The following NPAS3 variants were observed in gnomAD, a reference collection of about 807,000 sequenced individuals.
NPAS3 encodes the protein neuronal PAS domain-containing protein 3.
Under a neutral mutation model 73.1 loss-of-function variants are expected in NPAS3, and 14 were observed. The ratio of observed to expected loss-of-function variants is 0.19; its 90% confidence interval spans 0.13 to 0.30. The LOEUF is 0.30. Ranked by LOEUF, NPAS3 falls within the 10% of genes least tolerant of loss-of-function variation. The pLI is 1.00. For synonymous variants in NPAS3, 620 were observed against 541.5 expected (o/e 1.14, Z -2.01); for missense variants, 1,096 against 1,250.0 (o/e 0.88, Z 1.86).
intron 7 of NPAS3, among the ~76,000 whole-genome samples, chr14:33,755,323 ACCT>A (rs1182688686): frequency 6.6e-6 from 1 of 152,136 alleles, no homozygotes; most frequent in Non-Finnish European, 1.5e-5. Flanking sequence ...CAAGTAATTG[ACCT>A]CCTCATTTTA....
intron 2 of NPAS3, among the ~76,000 whole-genome samples, chr14:33,078,132 G>C (rs2041733368): frequency 6.6e-6 from 1 of 151,144 alleles, no homozygotes; most frequent in Non-Finnish European, 1.5e-5. Flanking sequence ...GAGCAAGACT[G>C]TTTCCAAAAA....
At chr14:33,029,759 G>T (rs1351701151) in intron 1 of NPAS3, among the ~76,000 whole-genome samples, 1 of 152,176 alleles carries the variant, frequency 6.6e-6, no homozygotes, top group Non-Finnish European at 1.5e-5. Flanking sequence ...TAACAGTGGT[G>T]TGAAAATACT....
At chr14:33,338,530 C>T (rs565356797) in intron 3 of NPAS3, among the ~76,000 whole-genome samples, 1 of 152,260 alleles carries the variant, frequency 6.6e-6, no homozygotes, top group Non-Finnish European at 1.5e-5. Flanking sequence ...AAATGAAAGG[C>T]ATATTGGCCT....
At chr14:33,691,406 T>G (rs1164020712) in intron 6 of NPAS3, among the ~76,000 whole-genome samples, 1 of 152,234 alleles carries the variant, frequency 6.6e-6, no homozygotes, top group African/African-American at 2.4e-5. Flanking sequence ...CATTAAAATT[T>G]TATGATCCCA....
At chr14:33,733,429 A>G (rs1429556329) in intron 6 of NPAS3, among the ~76,000 whole-genome samples, 6 of 152,090 alleles carry the variant, frequency 3.9e-5, no homozygotes, top group Admixed American at 3.9e-4. Context: ...CGGCTGACTG[A>G]CAGTTCTGAT....
chr14:33,216,574 A>T (rs556956156), intron 3 of NPAS3, among the ~76,000 whole-genome samples: 118 of 152,348 alleles, frequency 7.7e-4, no homozygotes, highest in Non-Finnish European at 1.4e-3. Context: ...CTAGAGCAAC[A>T]GTTGGCAAAC....
chr14:33,650,172 C>T (rs2058949904), intron 5 of NPAS3, among the ~76,000 whole-genome samples: 2 of 152,304 alleles, frequency 1.3e-5, no homozygotes, highest in East Asian at 1.9e-4. Flanking sequence ...ATAAGGAAAG[C>T]AAAGAAAATC....
At chr14:33,137,043 A>G (rs555119759) in intron 2 of NPAS3, among the ~76,000 whole-genome samples, 20 of 152,362 alleles carry the variant, frequency 1.3e-4, no homozygotes, top group Non-Finnish European at 2.6e-4. Flanking sequence ...TTAAGAAGTA[A>G]TGGAAGCCCA....
intron 2 of NPAS3, among the ~76,000 whole-genome samples, chr14:33,104,833 A>C (rs2042675818): frequency 6.6e-6 from 1 of 152,180 alleles, no homozygotes; most frequent in Non-Finnish European, 1.5e-5. Flanking sequence ...TTCTGCATTT[A>C]GTATGGATTT....
intron 4 of NPAS3, among the ~76,000 whole-genome samples, chr14:33,455,794 A>G (rs933011078): frequency 3.3e-5 from 5 of 152,224 alleles, no homozygotes; most frequent in African/African-American, 1.2e-4. Flanking sequence ...TGGCTCCTCT[A>G]AGAGTCTTGC....
intron 3 of NPAS3, among the ~76,000 whole-genome samples, chr14:33,280,792 C>T (rs555676525): frequency 2.2e-4 from 33 of 152,256 alleles, no homozygotes; most frequent in African/African-American, 7.9e-4. Flanking sequence ...GCAGCTAGTC[C>T]TCTTCTTTAC....
At chr14:33,334,260 T>G (rs914593690) in intron 3 of NPAS3, among the ~76,000 whole-genome samples, 7 of 152,188 alleles carry the variant, frequency 4.6e-5, no homozygotes, top group Non-Finnish European at 7.4e-5. Flanking sequence ...ATTCACTGAT[T>G]ATAAGTGTAT....
At chr14:33,312,607 G>T (rs78645424) in intron 3 of NPAS3, among the ~76,000 whole-genome samples, 1 of 151,988 alleles carries the variant, frequency 6.6e-6, no homozygotes, top group East Asian at 1.9e-4. Context: ...TACCGATCAC[G>T]TCTTTAGTAT....
chr14:33,566,225 T>TC lies in NPAS3; in HGVS notation c.558+6015_558+6016insC, dbSNP rs200645975. ...AGCGACCTGGTGAAGAAATTGATTT[T>TC]TCCCCCCCGAAAATGACTGCATGAT... On this transcript the variant is annotated intron_variant, in intron 5 of 11. Coordinates refer to ENST00000356141, the Ensembl canonical transcript of NPAS3. 6.8e-3 allele frequency among the ~76,000 whole-genome samples: 909 copies of TC among 134,256 alleles called. 10 individuals are homozygous for TC. The highest frequency in any genetic ancestry group is 0.022 in the African/African-American group (826 of 37,048). 88.1% of individuals were successfully genotyped at this position (134,256 alleles called of 152,430 possible).
chr14:33,344,680 A>T (rs1275200718), intron 3 of NPAS3, among the ~76,000 whole-genome samples: 1 of 152,194 alleles, frequency 6.6e-6, no homozygotes, highest in Non-Finnish European at 1.5e-5. Context: ...GAAATTTAAC[A>T]TTTGAATCAT....
At chr14:33,154,452 G>T (rs1440303201) in intron 2 of NPAS3, among the ~76,000 whole-genome samples, 1 of 152,206 alleles carries the variant, frequency 6.6e-6, no homozygotes, top group Middle Eastern at 3.2e-3. Flanking sequence ...CATCGACCAG[G>T]TGTCTCCTGC....
At chr14:33,780,290 G>A (rs1295127553) in intron 9 of NPAS3, among the ~76,000 whole-genome samples, 1 of 152,042 alleles carries the variant, frequency 6.6e-6, no homozygotes, top group Non-Finnish European at 1.5e-5. Context: ...TCAATTAATT[G>A]GGGAAAAAAA....
Position 33,377,114 on chromosome 14 carries a change from C to G in NPAS3, c.468+9846C>G, listed in dbSNP as rs1315145. 7.2e-5 allele frequency among the ~76,000 whole-genome samples: 11 copies of G among 152,014 alleles called. No homozygotes were observed. In the East Asian group the frequency reaches 2.1e-3, roughly 29 times the overall value. On this transcript the variant is annotated intron_variant, in intron 4 of 11. Transcript: ENST00000356141. ...TGCTTACATTGATGTATCCATTTGA[C>G]AGTTCAGGTTTAGTTCAGAGTAAAA... is the stretch of plus-strand genomic sequence containing the variant.
intron 7 of NPAS3, among the ~76,000 whole-genome samples, chr14:33,770,637 G>A (rs963602367): frequency 2.1e-4 from 32 of 152,034 alleles, no homozygotes; most frequent in Non-Finnish European, 5.9e-5. Context: ...GAACTGCCAG[G>A]CACAGTAATC....
Sources: allele counts gnomAD v4.1 joint callset (sites outside exome capture counted in the v4.1 genomes callset), GRCh38; gene constraint gnomAD v4.1.1; transcripts MANE v1.5; gene names NCBI Gene and HGNC (gene_info 2026-07-23, HGNC 2026-07-21).